DIP2B: variants seen among roughly 807,000 people sequenced by gnomAD.
DIP2B encodes the protein DIP2 acetate--CoA ligase B (putative), also known as disco-interacting protein 2 homolog B.
A neutral mutation model predicts 198.0 loss-of-function variants in DIP2B; 76 were observed. The ratio of observed to expected loss-of-function variants is 0.38; its 90% CI spans 0.32 to 0.46. The LOEUF (loss-of-function observed/expected upper bound fraction) is 0.46, where lower values mean the gene tolerates loss of function less well. Among genes scored for constraint, DIP2B ranks in the 20% least tolerant of loss-of-function variants. The probability of loss-of-function intolerance (pLI) is 0.99; values close to 1 mark genes in which losing one functional copy is unlikely to be tolerated. For missense variants in DIP2B, 1,559 were observed against 1,978.4 expected (o/e 0.79, Z 4.02); for synonymous variants, 701 against 739.1 (o/e 0.95, Z 0.84).
At chr12:50,555,844 A>G (rs1477060928) in intron 1 of DIP2B, among the ~76,000 whole-genome samples, 1 of 151,554 alleles carries the variant, frequency 6.6e-6, no homozygotes, top group Non-Finnish European at 1.5e-5. Context: ...TCAGTTTCCC[A>G]TCTCTCCTGT....
intron 28 of DIP2B, among the ~76,000 whole-genome samples, chr12:50,725,842 T>C (rs994117920): frequency 2.0e-5 from 3 of 151,386 alleles, no homozygotes; most frequent in Middle Eastern, 3.2e-3. Context: ...TAACCATTAA[T>C]GTCCTCCCTA....
chr12:50,589,319 C>T (rs1470353247), intron 1 of DIP2B, among the ~76,000 whole-genome samples: 1 of 149,582 alleles, frequency 6.7e-6, no homozygotes, highest in Non-Finnish European at 1.5e-5. Context: ...CTCAGCCTCT[C>T]AAGTAACTGG....
At chr12:50,739,652 A>G in intron 36 of DIP2B, 66 bp downstream of exon 36, 1 of 1,582,126 alleles carries the variant, frequency 6.3e-7, no homozygotes, top group Non-Finnish European at 8.6e-7. Flanking sequence ...GACCTCCTTC[A>G]GCCTGCGTTG....
chr12:50,646,405 G>A (rs1018851990), intron 3 of DIP2B, among the ~76,000 whole-genome samples: 1 of 149,230 alleles, frequency 6.7e-6, no homozygotes, highest in Admixed American at 6.7e-5. Context: ...ACAGGCGTGA[G>A]CCACTGCGCT....
At chr12:50,586,973 C>G (rs181096030) in intron 1 of DIP2B, among the ~76,000 whole-genome samples, 2 of 152,266 alleles carry the variant, frequency 1.3e-5, no homozygotes, top group Admixed American at 1.3e-4. Context: ...GGTGGGTTCT[C>G]AAGACATCAC....
At chr12:50,671,684 A>G (rs553776322) in intron 5 of DIP2B, among the ~76,000 whole-genome samples, 2 of 152,366 alleles carry the variant, frequency 1.3e-5, no homozygotes, top group East Asian at 3.9e-4. Flanking sequence ...CTCAGTGTGG[A>G]GTTATCCCAG....
chr12:50,650,054 C>A (rs1223776651), intron 3 of DIP2B, among the ~76,000 whole-genome samples: 1 of 151,760 alleles, frequency 6.6e-6, no homozygotes, highest in East Asian at 1.9e-4. Flanking sequence ...ACTAAAAATA[C>A]AAAAAATGAG....
At chr12:50,596,934 A>G (rs1201966899) in intron 1 of DIP2B, among the ~76,000 whole-genome samples, 1 of 152,222 alleles carries the variant, frequency 6.6e-6, no homozygotes, top group Non-Finnish European at 1.5e-5. Flanking sequence ...TTTACTTTAA[A>G]TGTAGTCAGA....
intron 1 of DIP2B, among the ~76,000 whole-genome samples, chr12:50,527,790 A>G (rs75182840): frequency 0.01 from 1,553 of 152,134 alleles, 27 homozygotes; most frequent in African/African-American, 0.036. Context: ...CATGATTAAA[A>G]TGATTAAAAT....
chr12:50,679,241 T>G (rs1938997661), intron 8 of DIP2B: 1 of 197,334 alleles, frequency 5.1e-6, no homozygotes, highest in Admixed American at 5.3e-5. Flanking sequence ...TCCATCCTGC[T>G]TCTTGATTAT....
chr12:50,680,189 G>C (rs1939013806), intron 8 of DIP2B: 1 of 141,732 alleles, frequency 7.1e-6, no homozygotes, highest in South Asian at 2.2e-4. Context: ...CAGGGAGACA[G>C]ACAGAGGTTG....
At chr12:50,582,353 T>G (rs1413127627) in intron 1 of DIP2B, among the ~76,000 whole-genome samples, 1 of 151,952 alleles carries the variant, frequency 6.6e-6, no homozygotes, top group Non-Finnish European at 1.5e-5. Context: ...TTTCACCACA[T>G]TGTCCAGACT....
intron 1 of DIP2B, among the ~76,000 whole-genome samples, chr12:50,580,651 A>G (rs1295181734): frequency 6.9e-6 from 1 of 144,084 alleles, no homozygotes; most frequent in Non-Finnish European, 1.5e-5. Flanking sequence ...CCTTCAGTTC[A>G]GTTGTTCTGA....
rs894980416 is a variant in DIP2B, at chr12:50,629,951, T to A, written c.172+3904T>A. Among the ~76,000 whole-genome samples, 5 of 134,386 alleles carry A rather than the reference T, an allele frequency of 3.7e-5. No homozygotes were observed. The South Asian group carries it at 1.1e-3, about 30-fold the overall frequency. The allele number at this position is 134,386 out of a possible 152,430, so 88.2% of individuals were successfully genotyped here. Reference sequence around the variant, plus strand: ...GAGCCAGTTTTGGTAAATTTAATTTTTTTTTTTTTTTTTTTAATGAGACAG... The same window carrying A: ...GAGCCAGTTTTGGTAAATTTAATTTATTTTTTTTTTTTTTTAATGAGACAG... On this transcript the variant is annotated intron_variant, in intron 2 of 37. Transcript: ENST00000301180.
chr12:50,723,994 A>C (rs1592143576), intron 27 of DIP2B, among the ~76,000 whole-genome samples: 1 of 152,218 alleles, frequency 6.6e-6, no homozygotes, highest in African/African-American at 2.4e-5. Flanking sequence ...TGTGTATTGC[A>C]TGAGATCCTA....
At chr12:50,515,239 CTT>C (rs59468439) in intron 1 of DIP2B, among the ~76,000 whole-genome samples, 18 of 140,702 alleles carry the variant, frequency 1.3e-4, no homozygotes, top group Admixed American at 2.1e-4. Context: ...CACTGTGGAC[CTT>C]TTTTTTTTTT....
intron 2 of DIP2B, among the ~76,000 whole-genome samples, chr12:50,630,612 C>A (rs1198562833): frequency 6.6e-6 from 1 of 150,492 alleles, no homozygotes; most frequent in African/African-American, 2.4e-5. Flanking sequence ...TCTTAAAGGA[C>A]ACAAGGACTT....
At chr12:50,639,089 A>AG (rs1186804929) in intron 2 of DIP2B, among the ~76,000 whole-genome samples, 1 of 41,898 alleles carries the variant, frequency 2.4e-5, no homozygotes, top group African/African-American at 6.4e-5. Context: ...AAGTCTCCAC[A>AG]ATTTTTTTTT....
Position 50,678,893 on chromosome 12 carries a change from C to G in DIP2B, c.1114+17C>G. ...TTACATATGGTGAGTCTGCAAGATT[C>G]CAGATCCTTCTCTCCTGAGAGTTCT... is the stretch of plus-strand genomic sequence containing the variant. On this transcript the variant is annotated intron_variant, in intron 8 of 37. Coordinates refer to ENST00000301180, the MANE Select transcript of DIP2B (RefSeq NM_173602.3). 6.2e-7 allele frequency: 1 copy of G among 1,613,836 alleles called. No individual in the cohort carries two copies. Among genetic ancestry groups the G allele is most frequent in the Non-Finnish European group, 8.5e-7 (1 of 1,179,786 alleles).
Sources: gnomAD v4.1 joint callset for allele counts (sites outside exome capture counted in the v4.1 genomes callset) on GRCh38, gnomAD v4.1.1 for gene constraint, MANE v1.5 for transcripts, NCBI Gene and HGNC (gene_info 2026-07-23, HGNC 2026-07-21) for gene names.